Variants in NCK1 observed in about 807,000 individuals in gnomAD.
NCK1 encodes the protein NCK adaptor protein 1.
In NCK1, 19 loss-of-function variants were observed where a neutral mutation model predicts 36.6. The ratio of observed to expected loss-of-function variants is 0.52; its 90% CI spans 0.36 to 0.76. NCK1 has a LOEUF of 0.76. Among genes scored for constraint, NCK1 ranks in the 30% least tolerant of loss-of-function variants. NCK1 has a pLI of 0.00. For missense variants in NCK1, 358 were observed against 445.6 expected (o/e 0.80, Z 1.77); for synonymous variants, 165 against 156.0 (o/e 1.06, Z -0.43).
In NCK1 at chr3:136,862,368, TTG is replaced by T. The variant is rs965929165; in HGVS notation, c.-19+16_-19+17del. On this transcript the variant is annotated intron_variant, in intron 1 of 3. Coordinates refer to ENST00000481752, the MANE Select transcript of NCK1 (RefSeq NM_001291999.2). ...GCAGCGGGAAGGTGAGACGGCCTTG[TTG>T]GCAGGCAGACACACACACACCCCCC... 1.3e-5 allele frequency: 2 copies of T among 152,694 alleles called. No homozygotes were observed. Among genetic ancestry groups the T allele is most frequent in the Admixed American group, 6.5e-5 (1 of 15,292 alleles). 9.5% of individuals were successfully genotyped at this position (152,694 alleles called of 1,614,324 possible).
At chr3:136,892,372 C>T (rs1211135431) in intron 1 of NCK1, among the ~76,000 whole-genome samples, 1 of 152,088 alleles carries the variant, frequency 6.6e-6, no homozygotes, top group African/African-American at 2.4e-5. Flanking sequence ...TGATGAAGTC[C>T]AGTTTGACTC....
intron 3 of NCK1, among the ~76,000 whole-genome samples, chr3:136,947,515 T>C (rs1940861647): frequency 6.6e-6 from 1 of 152,142 alleles, no homozygotes. Context: ...TTTTTAAACA[T>C]TTAAATTCAT....
At chr3:136,944,573 T>TCC (rs1940763160) in intron 2 of NCK1, among the ~76,000 whole-genome samples, 1 of 152,146 alleles carries the variant, frequency 6.6e-6, no homozygotes, top group African/African-American at 2.4e-5. Context: ...ATGAGTGTGT[T>TCC]TTTAGACAAT....
At chr3:136,909,035 G>A (rs574659647) in intron 1 of NCK1, among the ~76,000 whole-genome samples, 1 of 152,256 alleles carries the variant, frequency 6.6e-6, no homozygotes, top group South Asian at 2.1e-4. Flanking sequence ...GATATTTGAT[G>A]CCTTCCTCCT....
intron 2 of NCK1, among the ~76,000 whole-genome samples, chr3:136,935,166 G>C (rs545541756): frequency 4.6e-5 from 7 of 152,286 alleles, no homozygotes; most frequent in African/African-American, 1.7e-4. Context: ...CTCCCAAAAT[G>C]CTGGGATTAC....
intron 1 of NCK1, among the ~76,000 whole-genome samples, chr3:136,914,119 GGCCTCTAGCT>G (rs1311641557): frequency 3.3e-5 from 5 of 152,190 alleles, no homozygotes; most frequent in African/African-American, 9.7e-5. Context: ...GGGGAGCAGT[GGCCTCTAGCT>G]ATTGGGAGGG....
chr3:136,943,634 A>C (rs1940732921), intron 2 of NCK1, among the ~76,000 whole-genome samples: 1 of 152,248 alleles, frequency 6.6e-6, no homozygotes, highest in Non-Finnish European at 1.5e-5. Context: ...TGACTGCTGA[A>C]TACATAATTT....
intron 1 of NCK1, among the ~76,000 whole-genome samples, chr3:136,877,756 T>C (rs1294572446): frequency 6.6e-6 from 1 of 152,128 alleles, no homozygotes; most frequent in Non-Finnish European, 1.5e-5. Flanking sequence ...CAATCCTAAG[T>C]GGCGGGAGCA....
chr3:136,888,739 G>A (rs1939144356), intron 1 of NCK1, among the ~76,000 whole-genome samples: 1 of 152,022 alleles, frequency 6.6e-6, no homozygotes, highest in South Asian at 2.1e-4. Flanking sequence ...CCGTGTCCTA[G>A]GAAACCATTA....
chr3:136,898,368 T>C (rs1041352799), intron 1 of NCK1, among the ~76,000 whole-genome samples: 4 of 128,668 alleles, frequency 3.1e-5, no homozygotes, highest in African/African-American at 1.2e-4. Context: ...GCCTGGGTGA[T>C]AGGCAAGACT....
chr3:136,878,795 AC>A (rs1389903210), intron 1 of NCK1, among the ~76,000 whole-genome samples: 3 of 152,150 alleles, frequency 2.0e-5, no homozygotes, highest in Admixed American at 6.6e-5. Flanking sequence ...CAGCAAGAAG[AC>A]TGACTATTGT....
intron 1 of NCK1, among the ~76,000 whole-genome samples, chr3:136,915,604 T>A (rs184636709): frequency 1.4e-3 from 206 of 152,270 alleles, no homozygotes; most frequent in African/African-American, 4.7e-3. Context: ...AAATAACTAC[T>A]TGAGACTGGG....
chr3:136,912,009 C>G (rs986115060), intron 1 of NCK1, among the ~76,000 whole-genome samples: 1 of 152,004 alleles, frequency 6.6e-6, no homozygotes, highest in Non-Finnish European at 1.5e-5. Flanking sequence ...TACTCTTACT[C>G]CTTTCAAGAG....
rs112598686 is a variant in NCK1, at chr3:136,924,791, C to T, written c.-18-3193C>T. ...TGTGCCTAGTGTTCCATTATTGGAACGCTAAGCTTGTGAGAGTTATTTATA... is the reference window on the plus strand; with the variant it reads ...TGTGCCTAGTGTTCCATTATTGGAATGCTAAGCTTGTGAGAGTTATTTATA... On this transcript the variant is annotated intron_variant, in intron 1 of 3. Coordinates refer to ENST00000481752, the MANE Select transcript of NCK1 (RefSeq NM_001291999.2). 2.7e-3 allele frequency among the ~76,000 whole-genome samples: 418 copies of T among 152,224 alleles called. 2 individuals are homozygous for T. Among genetic ancestry groups the T allele is most frequent in the Non-Finnish European group, 3.4e-3 (232 of 68,028 alleles).
intron 1 of NCK1, among the ~76,000 whole-genome samples, chr3:136,871,574 A>C (rs1197350700): frequency 6.6e-6 from 1 of 152,100 alleles, no homozygotes; most frequent in Non-Finnish European, 1.5e-5. Context: ...CCCTCCAATC[A>C]GTGTCTCTTT....
intron 1 of NCK1, among the ~76,000 whole-genome samples, chr3:136,905,329 T>C (rs1313223138): frequency 6.6e-6 from 1 of 152,180 alleles, no homozygotes; most frequent in Non-Finnish European, 1.5e-5. Context: ...CCCAACCTGG[T>C]TTTCCTTTGT....
At chr3:136,892,864 A>G (rs946453072) in intron 1 of NCK1, among the ~76,000 whole-genome samples, 1 of 152,076 alleles carries the variant, frequency 6.6e-6, no homozygotes, top group Non-Finnish European at 1.5e-5. Flanking sequence ...GTTTGATTAC[A>G]TGAGTAAGTT....
chr3:136,897,042 C>T (rs944463252), intron 1 of NCK1, among the ~76,000 whole-genome samples: 16 of 151,944 alleles, frequency 1.1e-4, no homozygotes, highest in African/African-American at 2.2e-4. Context: ...ATAAGAGTTC[C>T]CTTTTTTTCT....
rs748325789 is a variant in NCK1 at position 136,928,214 on chromosome 3, A to G, written c.213A>G (p.Leu71=). 15 of 1,611,042 alleles carry G rather than the reference A, an allele frequency of 9.3e-6. No individual in the cohort carries two copies. Among genetic ancestry groups the G allele is most frequent in the South Asian group, 3.3e-5 (3 of 90,064 alleles). ...SARKASIVKN[L]KDTLGIGKVK... ...GGAAAGCATCTATTGTGAAAAACCT[A>G]AAGGATACCTTAGGTAAGATATTTT... The change falls in exon 2 of 4, where the codon CTA becomes CTG. Residue 71 remains leucine, a synonymous_variant. Coordinates refer to ENST00000481752, the MANE Select transcript of NCK1 (RefSeq NM_001291999.2).
Sources: allele counts gnomAD v4.1 joint callset (sites outside exome capture counted in the v4.1 genomes callset), GRCh38; gene constraint gnomAD v4.1.1; transcripts MANE v1.5; gene names NCBI Gene and HGNC (gene_info 2026-07-23, HGNC 2026-07-21).